The following VPS13D variants were observed in gnomAD, a reference collection of about 807,000 sequenced individuals.
The protein encoded by VPS13D is vacuolar protein sorting 13 homolog D.
In VPS13D, 187 loss-of-function variants were observed where a neutral mutation model predicts 461.9. The observed-to-expected ratio is 0.40, with a 90% CI of 0.36 to 0.46. The LOEUF is 0.46. Among genes scored for constraint, VPS13D ranks in the 20% least tolerant of loss-of-function variants. The pLI is 0.60. For missense variants in VPS13D, 4,711 were observed against 5,364.9 expected (o/e 0.88, Z 3.81); for synonymous variants, 1,951 against 1,986.3 (o/e 0.98, Z 0.47).
At chr1:12,307,082 A>T (rs1256752355) in intron 26 of VPS13D, among the ~76,000 whole-genome samples, 2 of 152,294 alleles carry the variant, frequency 1.3e-5, no homozygotes, top group South Asian at 4.1e-4. Flanking sequence ...CCATGTATTT[A>T]TCAATGTAAG....
intron 6 of VPS13D, among the ~76,000 whole-genome samples, chr1:12,252,046 C>A (rs1430369200): frequency 6.6e-6 from 1 of 152,280 alleles, no homozygotes; most frequent in South Asian, 2.1e-4. Context: ...TTCACGCAGC[C>A]TCTGCCTCCG....
At chr1:12,392,640 A>C (rs1301777139) in intron 60 of VPS13D, among the ~76,000 whole-genome samples, 2 of 151,798 alleles carry the variant, frequency 1.3e-5, no homozygotes, top group Non-Finnish European at 2.9e-5. Flanking sequence ...TTCATTTTCC[A>C]CCAAAGCCCA....
At chr1:12,255,533 A>G (rs1252315608) in intron 7 of VPS13D, among the ~76,000 whole-genome samples, 1 of 152,132 alleles carries the variant, frequency 6.6e-6, no homozygotes, top group Admixed American at 6.5e-5. Flanking sequence ...GGATGAGACT[A>G]GGAAAGAGAT....
Position 12,314,268 on chromosome 1 carries a change from T to C in VPS13D, c.7089T>C (p.Phe2363=), listed in dbSNP as rs1642834208. ...TGACGAATGTGTTCAGCTGTATCTT[T>C]CAGCCCGCTAAGAACAGCAGCACCA... ...PGMTNVFSCI[F]QPAKNSSTTQ... is the part of the protein sequence containing the mutation. Residue 2363 remains phenylalanine, a synonymous_variant, in exon 30 of 70, where the codon TTT becomes TTC. Transcript: ENST00000620676. 1.2e-6 allele frequency: 2 copies of C among 1,614,214 alleles called. No individual in the cohort carries two copies. Among genetic ancestry groups the C allele is most frequent in the Non-Finnish European group, 8.5e-7 (1 of 1,180,028 alleles).
intron 65 of VPS13D, among the ~76,000 whole-genome samples, chr1:12,447,608 A>G (rs1048315386): frequency 3.9e-5 from 6 of 152,206 alleles, no homozygotes; most frequent in Non-Finnish European, 5.9e-5. Context: ...TAAAAACCTC[A>G]AAAAACTTAT....
chr1:12,274,940 C>T (rs926741757), intron 18 of VPS13D, among the ~76,000 whole-genome samples: 11 of 151,166 alleles, frequency 7.3e-5, no homozygotes, highest in South Asian at 6.3e-4. Context: ...AAAAATTGGC[C>T]AGGTGCGGTG....
At chr1:12,291,433 AC>A (rs1236587289) in intron 23 of VPS13D, among the ~76,000 whole-genome samples, 1 of 152,066 alleles carries the variant, frequency 6.6e-6, no homozygotes, top group Non-Finnish European at 1.5e-5. Context: ...GTTCGAGACC[AC>A]CCTTGGCAAC....
chr1:12,401,597 T>G lies in VPS13D; in HGVS notation c.11785-11T>G, dbSNP rs763741763. ...TGTTCACACTTTAAATCAGAATTTC[T>G]TTATCTCTAGCATCTGATGATCACA... On this transcript the variant is annotated splice_polypyrimidine_tract_variant and intron_variant, in intron 61 of 69. Coordinates refer to ENST00000620676, the MANE Select transcript of VPS13D (RefSeq NM_015378.4). 6.2e-7 allele frequency: 1 copy of G among 1,601,688 alleles called. No homozygotes were observed. Among genetic ancestry groups the G allele is most frequent in the East Asian group, 2.2e-5 (1 of 44,570 alleles).
At chr1:12,488,402 A>G (rs751888699) in intron 67 of VPS13D, among the ~76,000 whole-genome samples, 14 of 152,162 alleles carry the variant, frequency 9.2e-5, no homozygotes, top group Non-Finnish European at 1.9e-4. Context: ...CTTCAGTGTC[A>G]CCCAGCTAAT....
chr1:12,347,750 T>C (rs1643707126), intron 44 of VPS13D, among the ~76,000 whole-genome samples: 2 of 152,190 alleles, frequency 1.3e-5, no homozygotes, highest in African/African-American at 4.8e-5. Context: ...CATTTGTTTC[T>C]CCAGTAAAAA....
intron 67 of VPS13D, among the ~76,000 whole-genome samples, chr1:12,484,924 T>C (rs1053343082): frequency 2.0e-5 from 3 of 152,180 alleles, no homozygotes; most frequent in African/African-American, 7.2e-5. Flanking sequence ...TCTTATGTTC[T>C]GCCAATTTTT....
rs773494222 is a variant in VPS13D at position 12,257,918 on chromosome 1, G to C, written c.942-17G>C. The C allele has an allele frequency of 8.1e-6, 13 of 1,613,856 alleles. No individual in the cohort carries two copies. The highest frequency in any genetic ancestry group is 1.3e-5 in the African/African-American group (1 of 74,902). On this transcript the variant is annotated splice_polypyrimidine_tract_variant and intron_variant, in intron 9 of 69. Transcript: ENST00000620676. ...TTTTGTTGTAAGAAGTGATTACATC[G>C]TTATGGACTATTTCAGCTGCCGAGA...
chr1:12,501,324 G>T (rs1043578718), intron 68 of VPS13D, among the ~76,000 whole-genome samples: 7 of 152,088 alleles, frequency 4.6e-5, no homozygotes, highest in Non-Finnish European at 1.0e-4. Flanking sequence ...TCCTTCTGAG[G>T]AATGGAATAG....
At chr1:12,302,832 CTTTT>C (rs60602915) in intron 25 of VPS13D, among the ~76,000 whole-genome samples, 6 of 121,124 alleles carry the variant, frequency 5.0e-5, no homozygotes, top group Non-Finnish European at 5.3e-5. Flanking sequence ...AAAAGAATTC[CTTTT>C]TTTTTTTTTT....
chr1:12,277,705 G>A lies in VPS13D; in HGVS notation c.4117G>A (p.Val1373Ile). The change falls in exon 19 of 70, where the codon GTA becomes ATA. Residue 1373 changes from valine (V) to isoleucine (I), a missense_variant. Physicochemically the swap from Val to Ile is conservative, Grantham distance 29. Around this residue, in one of 3 missense-constraint regions of VPS13D, gnomAD observed 4,411 missense variants for 4,937.8 expected, o/e 0.89. Coordinates refer to ENST00000620676, the MANE Select transcript of VPS13D (RefSeq NM_015378.4). ...FDLASSHLDTVKLILNINIES... is the reference protein window; with the variant it reads ...FDLASSHLDTIKLILNINIES... ...CCTAGCTTCGTCTCATTTGGACACT[G>A]TAAAGCTAATCTTGAACATAAACAT... 1 of 1,614,184 alleles carries A rather than the reference G, an allele frequency of 6.2e-7. No individual in the cohort carries two copies. The highest frequency in any genetic ancestry group is 8.5e-7 in the Non-Finnish European group (1 of 1,180,032).
intron 67 of VPS13D, chr1:12,478,459 T>TA (rs767097552): frequency 5.0e-5 from 11 of 218,016 alleles, no homozygotes; most frequent in South Asian, 3.8e-4. Context: ...CATTAAGGCG[T>TA]GTAATACAGC....
rs370574046 is a variant in VPS13D at position 12,297,418 on chromosome 1, C to T, written c.6034-1784C>T. On this transcript the variant is annotated intron_variant, in intron 24 of 69. Coordinates refer to ENST00000620676, the MANE Select transcript of VPS13D (RefSeq NM_015378.4). The stretch of plus-strand genomic sequence containing the variant: ...TATATTTGTTACACTTCTTCATTCA[C>T]CTAGCAACTGGTATAGTAAAGTAAT... 3.3e-5 allele frequency among the ~76,000 whole-genome samples: 5 copies of T among 152,272 alleles called. No homozygotes were observed. The East Asian group carries it at 9.6e-4, about 29-fold the overall frequency.
intron 38 of VPS13D, among the ~76,000 whole-genome samples, chr1:12,334,873 C>A (rs917732926): frequency 2.0e-5 from 3 of 152,112 alleles, no homozygotes; most frequent in African/African-American, 7.2e-5. Context: ...ATACTGAAAC[C>A]CAGAAACGTA....
Position 12,275,973 on chromosome 1 carries a change from T to C in VPS13D, c.2385T>C (p.Ser795=), listed in dbSNP as rs1462463046. The change falls in exon 19 of 70, where the codon TCT becomes TCC. Residue 795 remains serine (S), a synonymous_variant. Transcript: ENST00000620676. ...ACGGAGAGAAAACACCTCCCTTTTC[T>C]GGAGTTGAGTTCAGTGAAGAACAGC... ...SSNGEKTPPF[S]GVEFSEEQLQ... is the part of the protein sequence containing the mutation. The C allele has an allele frequency of 1.2e-6, 2 of 1,613,924 alleles. No homozygotes were observed. The highest frequency in any genetic ancestry group is 2.7e-5 in the African/African-American group (2 of 74,976).
Sources: gnomAD v4.1 joint callset for allele counts (sites outside exome capture counted in the v4.1 genomes callset) on GRCh38, gnomAD v4.1.1 for gene constraint, gnomAD v4.1.1 regional missense constraint, MANE v1.5 for transcripts, NCBI Gene and HGNC (gene_info 2026-07-23, HGNC 2026-07-21) for gene names.